The following AMACR variants were observed in gnomAD, a reference collection of about 807,000 sequenced individuals.
AMACR encodes alpha-methylacyl-CoA racemase.
Under a neutral mutation model 22.2 loss-of-function variants are expected in AMACR, and 18 were observed. The ratio of observed to expected loss-of-function variants is 0.81; its 90% confidence interval spans 0.56 to 1.20. The LOEUF (loss-of-function observed/expected upper bound fraction) is 1.20. Among genes scored for constraint, AMACR ranks in the 50% most tolerant of loss-of-function variants. The pLI is 0.00. For missense variants in AMACR, 499 were observed against 490.6 expected, an observed-to-expected ratio of 1.02 and a Z score of -0.16; for synonymous variants, 213 against 191.3, an observed-to-expected ratio of 1.11 and a Z score of -0.94.
intron 4 of AMACR, among the ~76,000 whole-genome samples, chr5:33,993,378 A>G (rs984203910): frequency 3.3e-5 from 5 of 152,192 alleles, no homozygotes; most frequent in African/African-American, 1.2e-4. Context: ...TAATGTCACT[A>G]TGAACACAGA....
At chr5:33,993,168 C>T (rs1294513388) in intron 4 of AMACR, among the ~76,000 whole-genome samples, 3 of 152,234 alleles carry the variant, frequency 2.0e-5, no homozygotes, top group Non-Finnish European at 4.4e-5. Flanking sequence ...GTAGTAGAAT[C>T]ATACAGTATT....
At chr5:33,991,293 C>T (rs867608596) in intron 4 of AMACR, among the ~76,000 whole-genome samples, 2 of 152,134 alleles carry the variant, frequency 1.3e-5, no homozygotes, top group African/African-American at 2.4e-5. Context: ...CCATCCTGCC[C>T]ATGACCCTGA....
intron 4 of AMACR, 136 bp downstream of exon 4, chr5:33,998,505 T>C (rs547192905): frequency 2.2e-5 from 18 of 836,028 alleles, no homozygotes; most frequent in African/African-American, 1.0e-4. Flanking sequence ...CCACATTATA[T>C]TGATGGCTAT....
chr5:33,997,211 C>T (rs778976955), intron 4 of AMACR: 4 of 763,348 alleles, frequency 5.2e-6, no homozygotes, highest in East Asian at 4.9e-5. Context: ...GAGCTGTCAC[C>T]AGCATTAGCG....
At chr5:33,990,300 G>A (rs535782785) in intron 4 of AMACR, among the ~76,000 whole-genome samples, 73 of 152,260 alleles carry the variant, frequency 4.8e-4, no homozygotes, top group African/African-American at 1.7e-3. Context: ...CTTATTAGCC[G>A]CCAGTCAACA....
intron 3 of AMACR, among the ~76,000 whole-genome samples, chr5:33,999,959 C>T (rs529767796): frequency 7.9e-5 from 12 of 152,280 alleles, no homozygotes; most frequent in African/African-American, 2.6e-4. Context: ...CATGTATATG[C>T]GCACTATTTT....
chr5:33,988,219 T>A lies in AMACR; in HGVS notation c.*874A>T. On this transcript the variant is annotated 3_prime_UTR_variant, in exon 5 of 5. Coordinates refer to ENST00000335606, the MANE Select transcript of AMACR (RefSeq NM_014324.6). ...GGTTTTATGTAAAGACAATCCCGTC[T>A]TCTTTGTCAAAGACAGGTATAAGAA... 8.2e-7 allele frequency: 1 copy of A among 1,213,664 alleles called. No homozygotes were observed. Among genetic ancestry groups the A allele is most frequent in the Non-Finnish European group, 1.1e-6 (1 of 870,762 alleles). The allele number at this position is 1,213,664 out of a possible 1,614,324, so 75.2% of individuals were successfully genotyped here.
rs375543865 is a variant in AMACR, at chr5:33,997,493, T to G, written c.739+1148A>C. On this transcript the variant is annotated intron_variant, in intron 4 of 4. Coordinates refer to ENST00000335606, the MANE Select transcript of AMACR (RefSeq NM_014324.6). ...GGCACGATACTGCTTCCTGTTGTAT[T>G]TTCAGCAAGATCAGTTCTCCCAGAC... 3.8e-6 allele frequency: 3 copies of G among 780,130 alleles called. No homozygotes were observed. The Admixed American group carries it at 5.1e-5, about 13-fold the overall frequency. The allele number at this position is 780,130 out of a possible 1,614,324, so 48.3% of individuals were successfully genotyped here.
chr5:33,988,969 T>C lies in AMACR; in HGVS notation c.*124A>G. ...CTGTAGAATCAGAGTCTGTAATTCT[T>C]TTCTTGATTAGAGTGGTAGGACACT... is the stretch of plus-strand genomic sequence containing the variant. On this transcript the variant is annotated 3_prime_UTR_variant, in exon 5 of 5. Coordinates refer to ENST00000335606, the MANE Select transcript of AMACR (RefSeq NM_014324.6). 2 of 1,517,666 alleles carry C rather than the reference T, an allele frequency of 1.3e-6. No individual in the cohort carries two copies. Among genetic ancestry groups the C allele is most frequent in the Non-Finnish European group, 1.8e-6 (2 of 1,134,228 alleles). The allele number at this position is 1,517,666 out of a possible 1,614,324, so 94.0% of individuals were successfully genotyped here. A position where few individuals can be genotyped will look rare whatever the true frequency, so the allele number is the denominator to read the frequency against.
At chr5:34,000,277 T>A (rs1388429525) in intron 3 of AMACR, among the ~76,000 whole-genome samples, 6 of 152,194 alleles carry the variant, frequency 3.9e-5, no homozygotes, top group Admixed American at 3.9e-4. Context: ...GCCGAATCAA[T>A]AGGGCGGTAA....
Position 33,989,117 on chromosome 5 carries a change from A to G in AMACR, c.1125T>C (p.Ser375=). ...GTTAGAGACTAGCTTTTACCTTATT[A>G]CTTTCAATGATTTTATCTGAGTTAA... ...YQLNSDKIIE[S]NKVKASL The change falls in exon 5 of 5, where the codon AGT becomes AGC. Residue 375 remains serine, a synonymous_variant. Transcript: ENST00000335606. The G allele has an allele frequency of 6.2e-7, 1 of 1,614,162 alleles. No individual in the cohort carries two copies. The highest frequency in any genetic ancestry group is 2.2e-5 in the East Asian group (1 of 44,882).
Position 33,988,023 on chromosome 5 carries a change from G to A in AMACR, c.*1070C>T, listed in dbSNP as rs16892064. 0.031 allele frequency: 7,722 copies of A among 248,714 alleles called. 387 individuals carry two copies. The highest frequency in any genetic ancestry group is 0.16 in the East Asian group (2,216 of 13,554). 15.4% of individuals were successfully genotyped at this position (248,714 alleles called of 1,614,324 possible). On this transcript the variant is annotated 3_prime_UTR_variant, in exon 5 of 5. Transcript: ENST00000335606. ...GAAACCTGCTCCACCTTCCTCTTGC[G>A]ATTGTTGAACGGCAGTTGAGATACT...
At chr5:34,006,878 A>C (rs1753996242) in intron 1 of AMACR, among the ~76,000 whole-genome samples, 2 of 152,246 alleles carry the variant, frequency 1.3e-5, no homozygotes. Context: ...TTATTCTGGC[A>C]GCTGTCTGAG....
Position 33,998,669 on chromosome 5 carries a change from T to C in AMACR, c.711A>G (p.Glu237=). 1.1e-5 allele frequency: 17 copies of C among 1,611,244 alleles called. No homozygotes were observed. The highest frequency in any genetic ancestry group is 1.4e-5 in the Non-Finnish European group (17 of 1,178,200). ...TGATCAGCAGCTCGTAGAACTGGGG[T>C]TCTATTGCTCCAACAGCCATGAATT... is the stretch of plus-strand genomic sequence containing the variant. The part of the protein sequence containing the change: ...DGEFMAVGAI[E]PQFYELLIKG... Residue 237 remains glutamate, a synonymous_variant, in exon 4 of 5, where the codon GAA becomes GAG. Transcript: ENST00000335606.
intron 1 of AMACR, among the ~76,000 whole-genome samples, chr5:34,006,722 T>C (rs1753990417): frequency 6.6e-6 from 1 of 152,250 alleles, no homozygotes; most frequent in South Asian, 2.1e-4. Flanking sequence ...AAATCATTAT[T>C]GTTACAAGCC....
chr5:33,990,134 C>T (rs1184292019), intron 4 of AMACR, among the ~76,000 whole-genome samples: 1 of 152,056 alleles, frequency 6.6e-6, no homozygotes, highest in Non-Finnish European at 1.5e-5. Flanking sequence ...AGCAAGACCC[C>T]CATCATCCAT....
chr5:33,986,384 C>T lies in AMACR; in HGVS notation c.*2709G>A, dbSNP rs986661829. 3 of 152,180 alleles carry T rather than the reference C, an allele frequency of 2.0e-5. No homozygotes were observed. The highest frequency in any genetic ancestry group is 4.4e-5 in the Non-Finnish European group (3 of 68,046). 9.4% of individuals were successfully genotyped at this position (152,180 alleles called of 1,614,324 possible). ...GGTTTATTCCATATCCTGTGTTTGT[C>T]TTTGATTTCCTCAAGAGCGGAGAAC... is the stretch of plus-strand genomic sequence containing the variant. On this transcript the variant is annotated 3_prime_UTR_variant, in exon 5 of 5. Coordinates refer to ENST00000335606, the MANE Select transcript of AMACR (RefSeq NM_014324.6).
chr5:34,000,280 G>A (rs1250668891), intron 3 of AMACR, among the ~76,000 whole-genome samples: 1 of 152,140 alleles, frequency 6.6e-6, no homozygotes, highest in Non-Finnish European at 1.5e-5. Flanking sequence ...GAATCAATAG[G>A]GCGGTAATAG....
intron 4 of AMACR, among the ~76,000 whole-genome samples, chr5:33,993,221 CAA>C (rs1168586966): frequency 6.6e-6 from 1 of 152,118 alleles, no homozygotes; most frequent in Non-Finnish European, 1.5e-5. Flanking sequence ...ATAATGTCTT[CAA>C]GATTCATCTC....
Sources: gnomAD v4.1 joint callset for allele counts (sites outside exome capture counted in the v4.1 genomes callset) on GRCh38, gnomAD v4.1.1 for gene constraint, MANE v1.5 for transcripts, NCBI Gene and HGNC (gene_info 2026-07-23, HGNC 2026-07-21) for gene names.